BEST3: variants seen among roughly 807,000 people sequenced by gnomAD.
BEST3 encodes the protein bestrophin-3.
In BEST3, 50 loss-of-function variants were observed where a neutral mutation model predicts 47.1. That is an observed-to-expected ratio of 1.06 (90% confidence interval 0.85 to 1.34). The LOEUF (loss-of-function observed/expected upper bound fraction) is 1.34. BEST3 is among the 40% of genes most tolerant of loss of function. The pLI is 0.00. For missense variants in BEST3, 765 were observed against 817.0 expected (o/e 0.94, Z 0.78); for synonymous variants, 282 against 298.8 (o/e 0.94, Z 0.58).
chr12:69,691,483 G>C (rs1297377366), intron 4 of BEST3, among the ~76,000 whole-genome samples: 1 of 152,098 alleles, frequency 6.6e-6, no homozygotes, highest in African/African-American at 2.4e-5. Context: ...CTAAAACAGA[G>C]TCAAGAAGCC....
rs544815436 is a variant in BEST3, at chr12:69,668,539, C to G, written c.1100+2889G>C. 2.0e-5 allele frequency among the ~76,000 whole-genome samples: 3 copies of G among 152,298 alleles called. No homozygotes were observed. The South Asian group carries it at 6.2e-4, about 32-fold the overall frequency. ...GTCAGGTGGCTCATTTGACATTGACCTTGTATTTGGTGAGGGAACCATTCA... is the reference window on the plus strand; with the variant it reads ...GTCAGGTGGCTCATTTGACATTGACGTTGTATTTGGTGAGGGAACCATTCA... On this transcript the variant is annotated intron_variant, in intron 9 of 9. Transcript: ENST00000330891.
intron 9 of BEST3, among the ~76,000 whole-genome samples, chr12:69,668,936 C>T (rs755133209): frequency 5.9e-5 from 9 of 152,034 alleles, no homozygotes; most frequent in Non-Finnish European, 1.2e-4. Context: ...TTTTTGCCCT[C>T]AGGATGGGAG....
intron 5 of BEST3, 112 bp downstream of exon 5, chr12:69,678,627 C>T (rs767159070): frequency 8.1e-5 from 82 of 1,006,230 alleles, no homozygotes; most frequent in Non-Finnish European, 1.1e-4. Context: ...CTTTCCAGTT[C>T]CTCTGGAACC....
In BEST3 at chr12:69,686,779, C is replaced by CGAAAAAAAAAAAAACA. The variant is rs1555208517; in HGVS notation, c.481+6894_481+6895insTGTTTTTTTTTTTTTC. ...AGAGCAAGATTCTGCCTCAAAAAAACAAAAAAAAAAGAAAGAAAAGAAAAA... is the reference window on the plus strand; with the variant it reads ...AGAGCAAGATTCTGCCTCAAAAAAACGAAAAAAAAAAAAACAAAAAAAAAAAGAAAGAAAAGAAAAA... On this transcript the variant is annotated intron_variant, in intron 4 of 9. Coordinates refer to ENST00000330891, the MANE Select transcript of BEST3 (RefSeq NM_032735.3). Among the ~76,000 whole-genome samples the CGAAAAAAAAAAAAACA allele has an allele frequency of 3.6e-4, 36 of 99,388 alleles. 1 individual carries two copies. Among genetic ancestry groups the CGAAAAAAAAAAAAACA allele is most frequent in the East Asian group, 1.1e-3 (5 of 4,428 alleles). 65.2% of individuals were successfully genotyped at this position (99,388 alleles called of 152,430 possible). A position where few individuals can be genotyped will look rare whatever the true frequency, so the allele number is the denominator to read the frequency against.
Position 69,654,891 on chromosome 12 carries a change from T to G in BEST3, c.*16A>C. The G allele has an allele frequency of 6.3e-7, 1 of 1,599,922 alleles. No individual in the cohort carries two copies. Among genetic ancestry groups the G allele is most frequent in the Non-Finnish European group, 8.5e-7 (1 of 1,171,540 alleles). On this transcript the variant is annotated 3_prime_UTR_variant, in exon 10 of 10. Coordinates refer to ENST00000330891, the MANE Select transcript of BEST3 (RefSeq NM_032735.3). ...AAGAATCTAGGCTAGAACCAGGTCC[T>G]AGAACTTGGTGGCACTCATTTGGGT... is the stretch of plus-strand genomic sequence containing the variant.
At chr12:69,670,529 T>A in intron 9 of BEST3, 1 of 702,730 alleles carries the variant, frequency 1.4e-6, no homozygotes, top group Non-Finnish European at 2.6e-6. Flanking sequence ...CCATCACTGA[T>A]GGGGATTAGG....
At chr12:69,647,204 C>T (rs1295058410) in intron 9 of BEST3, among the ~76,000 whole-genome samples, 2 of 152,236 alleles carry the variant, frequency 1.3e-5, no homozygotes, top group Non-Finnish European at 2.9e-5. Context: ...CTCCATCTCT[C>T]TGAATTTGCT....
intron 4 of BEST3, among the ~76,000 whole-genome samples, chr12:69,682,081 C>CAAAAA (rs35331064): frequency 0.35 from 35,574 of 101,486 alleles, 6,352 homozygotes; most frequent in South Asian, 0.48. Context: ...GACTCCGTCT[C>CAAAAA]AAAAAAAAAA....
downstream of BEST3, among the ~76,000 whole-genome samples, chr12:69,652,629 T>C (rs1883247588): frequency 6.6e-6 from 1 of 152,202 alleles, no homozygotes; most frequent in South Asian, 2.1e-4. Context: ...AAGGGGCGTG[T>C]GGAAGCAGAG....
chr12:69,644,268 C>T (rs1309234510), intron 9 of BEST3, among the ~76,000 whole-genome samples: 1 of 152,194 alleles, frequency 6.6e-6, no homozygotes. Context: ...TAGTTTATTT[C>T]CCCAAACCCC....
intron 4 of BEST3, among the ~76,000 whole-genome samples, chr12:69,688,690 C>A (rs922999592): frequency 6.6e-6 from 1 of 152,172 alleles, no homozygotes; most frequent in Non-Finnish European, 1.5e-5. Flanking sequence ...CGCTTATTTC[C>A]TTCTGGCCAG....
intron 4 of BEST3, among the ~76,000 whole-genome samples, chr12:69,691,148 G>T (rs1487777813): frequency 6.6e-6 from 1 of 152,204 alleles, no homozygotes; most frequent in African/African-American, 2.4e-5. Context: ...ACTGTGCTAT[G>T]TTATGCTGTT....
chr12:69,682,096 A>AG (rs1555207334), intron 4 of BEST3, among the ~76,000 whole-genome samples: 2 of 151,522 alleles, frequency 1.3e-5, no homozygotes, highest in Non-Finnish European at 2.9e-5. Context: ...AAAAAAAAAA[A>AG]AAGAAGAAAA....
intron 9 of BEST3, chr12:69,661,190 G>A (rs187317840): frequency 6.6e-6 from 1 of 152,260 alleles, no homozygotes; most frequent in Admixed American, 6.5e-5. Context: ...AAAGCTTTTT[G>A]CAAAGCAACC....
chr12:69,688,526 CTTG>C (rs1344613544), intron 4 of BEST3, among the ~76,000 whole-genome samples: 1 of 152,106 alleles, frequency 6.6e-6, no homozygotes, highest in African/African-American at 2.4e-5. Flanking sequence ...GTGTTTTGGT[CTTG>C]TTATTTTTCA....
intron 4 of BEST3, among the ~76,000 whole-genome samples, chr12:69,681,755 C>T (rs775476): frequency 0.7 from 106,824 of 152,042 alleles, 37,583 homozygotes; most frequent in South Asian, 0.81. Flanking sequence ...CCCAAGTCTG[C>T]ACCTTAGAAT....
chr12:69,678,241 A>ATTTTTT (rs11399065), intron 5 of BEST3, among the ~76,000 whole-genome samples: 1 of 151,700 alleles, frequency 6.6e-6, no homozygotes, highest in Admixed American at 6.6e-5. Context: ...TATAAAAAAA[A>ATTTTTT]TTTTTTTCAG....
downstream of BEST3, among the ~76,000 whole-genome samples, chr12:69,651,796 AAAAG>A (rs984604446): frequency 3.6e-5 from 5 of 137,398 alleles, no homozygotes; most frequent in African/African-American, 9.9e-5. Context: ...GAAAAAAAAA[AAAAG>A]AAAGAAAAAA....
intron 9 of BEST3, among the ~76,000 whole-genome samples, chr12:69,669,368 C>T (rs1321678451): frequency 6.6e-6 from 1 of 152,210 alleles, no homozygotes; most frequent in Non-Finnish European, 1.5e-5. Context: ...TTAAACCTCT[C>T]ACAAAACCCT....
Sources: allele counts gnomAD v4.1 joint callset (sites outside exome capture counted in the v4.1 genomes callset), GRCh38; gene constraint gnomAD v4.1.1; transcripts MANE v1.5; gene names NCBI Gene and HGNC (gene_info 2026-07-23, HGNC 2026-07-21).